Variants in ZNF277 observed in about 807,000 individuals in gnomAD.
ZNF277 encodes zinc finger protein 277, also known as nuclear receptor-interacting factor 4.
A neutral mutation model predicts 60.7 loss-of-function variants in ZNF277; 55 were observed. That is an observed-to-expected ratio of 0.91 (90% CI 0.73 to 1.13). The LOEUF is 1.13. Ranked by LOEUF, ZNF277 falls within the 50% of genes most tolerant of loss-of-function variation. The pLI, the probability that ZNF277 is intolerant of heterozygous loss-of-function variation, is 0.00. For synonymous variants in ZNF277, 178 were observed against 179.3 expected (o/e 0.99, Z 0.06); for missense variants, 510 against 523.0 (o/e 0.98, Z 0.24).
At chr7:112,227,708 A>G (rs866082209) in intron 1 of ZNF277, among the ~76,000 whole-genome samples, 11 of 152,310 alleles carry the variant, frequency 7.2e-5, no homozygotes, top group African/African-American at 2.6e-4. Flanking sequence ...ATAAATATAT[A>G]TAATTTCTCT....
intron 1 of ZNF277, among the ~76,000 whole-genome samples, chr7:112,260,803 C>G (rs1235679162): frequency 1.3e-5 from 2 of 152,132 alleles, no homozygotes; most frequent in African/African-American, 2.4e-5. Flanking sequence ...ATAGTTGGGC[C>G]TACTCTAGTG....
At chr7:112,311,024 CT>C (rs1410012246) in intron 4 of ZNF277, among the ~76,000 whole-genome samples, 1 of 152,112 alleles carries the variant, frequency 6.6e-6, no homozygotes, top group Non-Finnish European at 1.5e-5. Flanking sequence ...GGATTTGTCC[CT>C]TTAAGCATCA....
intron 1 of ZNF277, among the ~76,000 whole-genome samples, chr7:112,221,680 A>G (rs947696854): frequency 3.3e-5 from 5 of 152,238 alleles, no homozygotes; most frequent in African/African-American, 4.8e-5. Context: ...GGAGTGTGCA[A>G]CCTAGATCCC....
chr7:112,232,508 G>A (rs1423702779), intron 1 of ZNF277, among the ~76,000 whole-genome samples: 1 of 152,120 alleles, frequency 6.6e-6, no homozygotes, highest in Non-Finnish European at 1.5e-5. Context: ...AGAAGTGCAA[G>A]CATATGTCTA....
intron 1 of ZNF277, among the ~76,000 whole-genome samples, chr7:112,253,072 C>T (rs894087629): frequency 1.3e-5 from 2 of 151,978 alleles, no homozygotes; most frequent in Non-Finnish European, 2.9e-5. Flanking sequence ...ACAAGGAATG[C>T]GCAGGGAAAA....
chr7:112,336,027 A>T, intron 7 of ZNF277, 77 bp from the exon 8 acceptor site: 8 of 1,320,552 alleles, frequency 6.1e-6, no homozygotes, highest in Non-Finnish European at 8.4e-6. Context: ...TTTGGTTTTG[A>T]TTTTTTTCAA....
chr7:112,301,619 A>G (rs1792471985), intron 4 of ZNF277, among the ~76,000 whole-genome samples: 3 of 152,190 alleles, frequency 2.0e-5, no homozygotes, highest in Non-Finnish European at 2.9e-5. Flanking sequence ...CCCCACCTGT[A>G]TAGATACATA....
chr7:112,315,089 C>A (rs549427056), intron 4 of ZNF277, among the ~76,000 whole-genome samples: 2 of 152,096 alleles, frequency 1.3e-5, no homozygotes, highest in South Asian at 4.2e-4. Context: ...TAAATCCATC[C>A]ATCTGGTATC....
intron 7 of ZNF277, among the ~76,000 whole-genome samples, chr7:112,332,900 T>C (rs1320220312): frequency 1.3e-5 from 2 of 152,168 alleles, no homozygotes; most frequent in East Asian, 3.8e-4. Context: ...AGTAACATTC[T>C]AGGAATATTT....
chr7:112,216,274 CAGA>C lies in ZNF277; in HGVS notation c.91+9472_91+9474del, dbSNP rs1300656298. ...GCAAAAAGCTCACTGGACAAGGAATCAGAAGAACTAGGTTTTTTTTGGTTTTGT... is the reference window on the plus strand; with the variant it reads ...GCAAAAAGCTCACTGGACAAGGAATCAGAACTAGGTTTTTTTTGGTTTTGT... On this transcript the variant is annotated intron_variant, in intron 1 of 11. Coordinates refer to ENST00000361822, the MANE Select transcript of ZNF277 (RefSeq NM_021994.3). Among the ~76,000 whole-genome samples, 5 of 152,254 alleles carry C rather than the reference CAGA, an allele frequency of 3.3e-5. No individual in the cohort carries two copies. The East Asian group carries it at 9.6e-4, about 29-fold the overall frequency.
intron 10 of ZNF277, among the ~76,000 whole-genome samples, 163 bp downstream of exon 10, chr7:112,340,048 C>A (rs1261559575): frequency 6.6e-6 from 1 of 152,160 alleles, no homozygotes; most frequent in Non-Finnish European, 1.5e-5. Context: ...TGATGCTCAA[C>A]CATAATAGTC....
Position 112,340,911 on chromosome 7 carries a change from T to C in ZNF277, c.1049T>C (p.Ile350Thr). 6.2e-7 allele frequency: 1 copy of C among 1,611,874 alleles called. No individual in the cohort carries two copies. The highest frequency in any genetic ancestry group is 8.5e-7 in the Non-Finnish European group (1 of 1,179,310). Reference sequence around the variant, plus strand: ...CAGCAAGTGAAACTGGTCAATTTTATTCGGAGGCAAGTTCACCAATGCAGA... The same window carrying C: ...CAGCAAGTGAAACTGGTCAATTTTACTCGGAGGCAAGTTCACCAATGCAGA... ...FYQQVKLVNF[I>T]RRQVHQCRCY... Residue 350 changes from isoleucine (I) to threonine (T), a missense_variant, in exon 11 of 12, where the codon ATT becomes ACT. Coordinates refer to ENST00000361822, the MANE Select transcript of ZNF277 (RefSeq NM_021994.3).
intron 1 of ZNF277, among the ~76,000 whole-genome samples, chr7:112,269,659 G>A (rs1791625634): frequency 6.6e-6 from 1 of 152,058 alleles, no homozygotes; most frequent in South Asian, 2.1e-4. Flanking sequence ...TTGGGTCATA[G>A]CTTTCTTATC....
chr7:112,272,478 G>C (rs189516432), intron 1 of ZNF277, among the ~76,000 whole-genome samples: 185 of 152,112 alleles, frequency 1.2e-3, no homozygotes, highest in Non-Finnish European at 1.8e-3. Flanking sequence ...ATTTTTAGTT[G>C]TTTTTGTTTG....
At chr7:112,218,750 C>T (rs1478326021) in intron 1 of ZNF277, among the ~76,000 whole-genome samples, 1 of 152,172 alleles carries the variant, frequency 6.6e-6, no homozygotes, top group Non-Finnish European at 1.5e-5. Context: ...TATTTAACTT[C>T]GCATTCTCCA....
chr7:112,321,194 T>A (rs1206662344), intron 5 of ZNF277, among the ~76,000 whole-genome samples: 1 of 151,998 alleles, frequency 6.6e-6, no homozygotes, highest in African/African-American at 2.4e-5. Context: ...GTGCTGGGAT[T>A]ACAGGAGTGA....
chr7:112,287,157 C>A, intron 2 of ZNF277, 83 bp downstream of exon 2: 2 of 1,449,782 alleles, frequency 1.4e-6, no homozygotes, highest in Non-Finnish European at 9.5e-7. Flanking sequence ...CTTTGGGAGG[C>A]CAAAGTGGGA....
At chr7:112,254,794 A>T (rs1207563296) in intron 1 of ZNF277, among the ~76,000 whole-genome samples, 1 of 151,942 alleles carries the variant, frequency 6.6e-6, no homozygotes, top group East Asian at 1.9e-4. Flanking sequence ...CATAGTGAGA[A>T]CTCGCCTGTA....
At chr7:112,282,129 T>C (rs1162272088) in intron 1 of ZNF277, among the ~76,000 whole-genome samples, 1 of 152,190 alleles carries the variant, frequency 6.6e-6, no homozygotes, top group Non-Finnish European at 1.5e-5. Context: ...CCACACCAGC[T>C]ACATGAAAAT....
Sources: allele counts gnomAD v4.1 joint callset (sites outside exome capture counted in the v4.1 genomes callset), GRCh38; gene constraint gnomAD v4.1.1; transcripts MANE v1.5; gene names NCBI Gene and HGNC (gene_info 2026-07-23, HGNC 2026-07-21).